The following NLRP4 variants were observed in gnomAD, a reference collection of about 807,000 sequenced individuals.
The protein encoded by NLRP4 is NACHT, LRR and PYD domains-containing protein 4.
Under a neutral mutation model 84.7 loss-of-function variants are expected in NLRP4, and 44 were observed. That is an observed-to-expected ratio of 0.52 (90% CI 0.41 to 0.67). NLRP4 has a LOEUF of 0.67. Among genes scored for constraint, NLRP4 ranks in the 30% least tolerant of loss-of-function variants. The probability of loss-of-function intolerance (pLI) is 0.00; values close to 1 mark genes in which losing one functional copy is unlikely to be tolerated. For synonymous variants in NLRP4, 544 were observed against 476.4 expected (o/e 1.14, Z -1.85); for missense variants, 1,260 against 1,219.4 (o/e 1.03, Z -0.50).
intron 1 of NLRP4, among the ~76,000 whole-genome samples, chr19:55,848,330 G>C (rs1363121978): frequency 6.6e-6 from 1 of 151,664 alleles, no homozygotes; most frequent in African/African-American, 2.4e-5. Flanking sequence ...TGTCTGGCTG[G>C]TTTCTCCACT....
At chr19:55,878,477 TCTGAGACGGCTTC>T (rs1568676406) in intron 8 of NLRP4, among the ~76,000 whole-genome samples, 1 of 151,958 alleles carries the variant, frequency 6.6e-6, no homozygotes, top group Admixed American at 6.6e-5. Context: ...TCCATTGTTA[TCTGAGACGGCTTC>T]ATACCTTTTT....
chr19:55,849,963 TAATTTCC>T (rs1983977683), intron 1 of NLRP4, among the ~76,000 whole-genome samples: 1 of 147,076 alleles, frequency 6.8e-6, no homozygotes, highest in Non-Finnish European at 1.5e-5. Context: ...GACTGCGGTG[TAATTTCC>T]GTAGCTGCGG....
At chr19:55,867,427 G>A (rs953398491) in intron 5 of NLRP4, among the ~76,000 whole-genome samples, 5 of 146,570 alleles carry the variant, frequency 3.4e-5, no homozygotes, top group African/African-American at 5.1e-5. Flanking sequence ...CCCAGAGACC[G>A]TAAGCCAAGC....
In NLRP4 at chr19:55,858,897, T is replaced by C; in HGVS notation, c.1504T>C (p.Phe502Leu). 6.2e-7 allele frequency: 1 copy of C among 1,614,142 alleles called. No individual in the cohort carries two copies. Among genetic ancestry groups the C allele is most frequent in the Admixed American group, 1.7e-5 (1 of 60,014 alleles). ...RRAHWIFLGC[F>L]LTGLLNKKEQ... is the part of the protein sequence containing the mutation. ...AGCACATTGGATTTTTTTGGGGTGT[T>C]TTCTAACTGGCCTTTTAAATAAAAA... The change falls in exon 3 of 10, where the codon TTT (phenylalanine) becomes CTT (leucine). Residue 502 changes from phenylalanine to leucine, a missense_variant. Around this residue, in one of 3 missense-constraint regions of NLRP4, gnomAD observed 712 missense variants for 669.2 expected, o/e 1.06. Transcript: ENST00000301295. The surrounding 1 kb of genome is among the most constrained non-coding windows in gnomAD (Gnocchi z 4.2).
intron 9 of NLRP4, among the ~76,000 whole-genome samples, chr19:55,879,510 C>A (rs958547571): frequency 1.3e-5 from 2 of 150,130 alleles, no homozygotes; most frequent in East Asian, 3.9e-4. Flanking sequence ...TTTTATTAAG[C>A]AGGCAGGTTC....
intron 1 of NLRP4, among the ~76,000 whole-genome samples, chr19:55,850,684 A>ACTTCCCG (rs1984065710): frequency 7.6e-6 from 1 of 131,046 alleles, no homozygotes; most frequent in East Asian, 2.2e-4. Flanking sequence ...GCTGCGGTGT[A>ACTTCCCG]ATGTCCGTGG....
intron 6 of NLRP4, among the ~76,000 whole-genome samples, chr19:55,870,053 A>G (rs1011593529): frequency 6.6e-6 from 1 of 152,020 alleles, no homozygotes; most frequent in Admixed American, 6.6e-5. Flanking sequence ...AGCTGTGATC[A>G]TGCCACTGCA....
At position 55,839,180 on chromosome 19, in the gene NLRP4, G is replaced by A. The variant is rs556500535; in HGVS notation, c.-66+2246G>A. Among the ~76,000 whole-genome samples the A allele has an allele frequency of 1.3e-4, 20 of 151,852 alleles. No homozygotes were observed. The East Asian group carries it at 2.3e-3, about 18-fold the overall frequency. The stretch of plus-strand genomic sequence containing the variant: ...TGTGAATGTTCCCCTCCCTGTGTCC[G>A]TTTGTGTTCTTATTGTTCAACTCAC... On this transcript the variant is annotated intron_variant, in intron 1 of 9. Coordinates refer to ENST00000301295, the MANE Select transcript of NLRP4 (RefSeq NM_134444.5).
chr19:55,842,136 A>G (rs1174662607), intron 1 of NLRP4, among the ~76,000 whole-genome samples: 1 of 152,162 alleles, frequency 6.6e-6, no homozygotes, highest in Non-Finnish European at 1.5e-5. Flanking sequence ...GAGTTACCCC[A>G]GATTTTTTAG....
intron 7 of NLRP4, among the ~76,000 whole-genome samples, chr19:55,875,919 A>C (rs1985350210): frequency 6.6e-6 from 1 of 151,916 alleles, no homozygotes; most frequent in Non-Finnish European, 1.5e-5. Flanking sequence ...TGCCTGTAAT[A>C]CCAGCTACTC....
chr19:55,849,129 C>T (rs1039932995), intron 1 of NLRP4, among the ~76,000 whole-genome samples: 45 of 152,094 alleles, frequency 3.0e-4, no homozygotes, highest in Non-Finnish European at 5.1e-4. Flanking sequence ...GGAGTTATGC[C>T]GCATCTCCTT....
chr19:55,850,222 G>A (rs1028799887), intron 1 of NLRP4, among the ~76,000 whole-genome samples: 1 of 146,058 alleles, frequency 6.8e-6, no homozygotes, highest in Non-Finnish European at 1.5e-5. Context: ...TGGCTGCGGT[G>A]TAATTTCCGT....
intron 2 of NLRP4, among the ~76,000 whole-genome samples, chr19:55,855,123 T>A (rs1455768286): frequency 6.6e-6 from 1 of 152,142 alleles, no homozygotes; most frequent in Non-Finnish European, 1.5e-5. Flanking sequence ...GGCAGGAGGA[T>A]CACTTCAGCC....
At chr19:55,865,945 T>C (rs932755680) in intron 5 of NLRP4, among the ~76,000 whole-genome samples, 1 of 152,236 alleles carries the variant, frequency 6.6e-6, no homozygotes, top group African/African-American at 2.4e-5. Context: ...TTTATTTTTT[T>C]CTTTTGTCTC....
chr19:55,850,772 A>AGGCTGCGGTGTAATGTCCGT (rs2123013814), intron 1 of NLRP4, among the ~76,000 whole-genome samples: 1 of 111,008 alleles, frequency 9.0e-6, no homozygotes, highest in Non-Finnish European at 1.8e-5. Context: ...GTAATTTCCG[A>AGGCTGCGGTGTAATGTCCGT]GGCTGCGGTG....
rs756893701 is a variant in NLRP4 at position 55,858,556 on chromosome 19, C to T, written c.1163C>T (p.Pro388Leu). Reference sequence around the variant, plus strand: ...TTCACACCTGAGGGTGCCGAGGGCCCGACTCCGCAAACCCAGCACCAGCTG... The same window carrying T: ...TTCACACCTGAGGGTGCCGAGGGCCTGACTCCGCAAACCCAGCACCAGCTG... ...NLFTPEGAEG[P>L]TPQTQHQLKA... Residue 388 changes from proline (P) to leucine (L), a missense_variant, in exon 3 of 10, where the codon CCG becomes CTG. By Grantham distance (98) the Pro-to-Leu change is moderately conservative. This residue lies in a region of NLRP4 where 712 missense variants were observed against 669.2 expected (regional missense o/e 1.06). Transcript: ENST00000301295. The surrounding 1 kb of genome is among the most constrained non-coding windows in gnomAD (Gnocchi z 4.2). The T allele has an allele frequency of 2.9e-5, 47 of 1,614,106 alleles. No homozygotes were observed. Among genetic ancestry groups the T allele is most frequent in the South Asian group, 8.8e-5 (8 of 91,074 alleles).
chr19:55,837,329 C>T (rs1300833058), intron 1 of NLRP4, among the ~76,000 whole-genome samples: 1 of 151,998 alleles, frequency 6.6e-6, no homozygotes, highest in African/African-American at 2.4e-5. Context: ...CCTGTATAAC[C>T]AGTGTATATG....
intron 1 of NLRP4, among the ~76,000 whole-genome samples, chr19:55,837,823 C>T (rs1983427521): frequency 6.6e-6 from 1 of 151,548 alleles, no homozygotes; most frequent in Non-Finnish European, 1.5e-5. Flanking sequence ...ATCATCTGAG[C>T]TCAGGAGTTT....
intron 6 of NLRP4, 78 bp from the exon 7 acceptor site, chr19:55,870,749 C>T (rs1164857840): frequency 9.9e-7 from 1 of 1,014,414 alleles, no homozygotes; most frequent in South Asian, 1.4e-5. Context: ...AAATATTACC[C>T]TGAATGTGAA....
Sources: gnomAD v4.1 joint callset for allele counts (sites outside exome capture counted in the v4.1 genomes callset) on GRCh38, gnomAD v4.1.1 for gene constraint, gnomAD v4.1.1 regional missense constraint, Gnocchi (gnomAD v3.1) non-coding constraint, MANE v1.5 for transcripts, NCBI Gene and HGNC (gene_info 2026-07-23, HGNC 2026-07-21) for gene names.